Variants in SLX4IP observed in about 807,000 individuals in gnomAD.
SLX4IP encodes the protein protein SLX4IP.
In SLX4IP, 34 loss-of-function variants were observed where a neutral mutation model predicts 32.9. That is an observed-to-expected ratio of 1.03 (90% CI 0.79 to 1.38). The LOEUF is 1.38. SLX4IP is among the 40% of genes most tolerant of loss of function. The probability of loss-of-function intolerance (pLI) is 0.00; values close to 1 mark genes in which losing one functional copy is unlikely to be tolerated. For missense variants in SLX4IP, 444 were observed against 479.0 expected (o/e 0.93, Z 0.68); for synonymous variants, 172 against 171.7 (o/e 1.00, Z -0.01).
intron 2 of SLX4IP, among the ~76,000 whole-genome samples, chr20:10,481,079 CAACT>C (rs2065516700): frequency 2.9e-5 from 1 of 34,882 alleles, no homozygotes; most frequent in African/African-American, 1.2e-4. Context: ...AATATTCTTA[CAACT>C]TTTTTTTTTT....
intron 1 of SLX4IP, among the ~76,000 whole-genome samples, chr20:10,450,685 T>C (rs908119239): frequency 3.3e-5 from 5 of 152,230 alleles, no homozygotes; most frequent in Non-Finnish European, 7.3e-5. Context: ...AACCAAAGGG[T>C]ACCAATTTCT....
Position 10,623,302 on chromosome 20 carries a change from G to A in SLX4IP, c.1150G>A (p.Ala384Thr). The A allele has an allele frequency of 6.2e-7, 1 of 1,614,146 alleles. No homozygotes were observed. Among genetic ancestry groups the A allele is most frequent in the Non-Finnish European group, 8.5e-7 (1 of 1,180,018 alleles). ...NPGQAQQTGL[A>T]TNTERLSTIQ... ...AGGGCAGGCACAGCAAACCGGCTTAGCCACAAACACTGAAAGATTATCTAC... is the reference window on the plus strand; with the variant it reads ...AGGGCAGGCACAGCAAACCGGCTTAACCACAAACACTGAAAGATTATCTAC... The change falls in exon 8 of 8, where the codon GCC (alanine) becomes ACC (threonine). Residue 384 changes from alanine (A) to threonine (T), a missense_variant. By Grantham distance (58) the Ala-to-Thr change is moderately conservative. Transcript: ENST00000334534.
intron 6 of SLX4IP, among the ~76,000 whole-genome samples, chr20:10,617,899 C>T (rs1045431030): frequency 1.3e-5 from 2 of 152,012 alleles, no homozygotes; most frequent in Non-Finnish European, 2.9e-5. Flanking sequence ...CCTTGGCCTC[C>T]CAAAGTGCTG....
At chr20:10,450,798 C>T (rs2122330268) in intron 1 of SLX4IP, among the ~76,000 whole-genome samples, 1 of 152,342 alleles carries the variant, frequency 6.6e-6, no homozygotes, top group South Asian at 2.1e-4. Context: ...GTCGCCCAGG[C>T]TGGAGGACAA....
intron 2 of SLX4IP, among the ~76,000 whole-genome samples, chr20:10,534,255 G>T (rs2066017166): frequency 6.6e-6 from 1 of 152,158 alleles, no homozygotes; most frequent in African/African-American, 2.4e-5. Flanking sequence ...CGGGGAGTGA[G>T]CATGTATTCC....
At chr20:10,619,611 A>G (rs1248801934) in intron 6 of SLX4IP, among the ~76,000 whole-genome samples, 1 of 152,170 alleles carries the variant, frequency 6.6e-6, no homozygotes, top group African/African-American at 2.4e-5. Flanking sequence ...CATCATTCCT[A>G]ATAGCAAAAG....
At chr20:10,468,914 G>A (rs547542146) in intron 2 of SLX4IP, among the ~76,000 whole-genome samples, 79 of 152,118 alleles carry the variant, frequency 5.2e-4, no homozygotes, top group Non-Finnish European at 9.0e-4. Flanking sequence ...TTTCATATCT[G>A]CACAGACCTT....
chr20:10,532,027 T>C (rs955106576), intron 2 of SLX4IP, among the ~76,000 whole-genome samples: 2 of 152,178 alleles, frequency 1.3e-5, no homozygotes, highest in East Asian at 1.9e-4. Flanking sequence ...ATCCCTGACA[T>C]TGGTTTGCAA....
intron 2 of SLX4IP, among the ~76,000 whole-genome samples, chr20:10,521,343 C>G (rs555384534): frequency 6.6e-6 from 1 of 152,102 alleles, no homozygotes; most frequent in East Asian, 1.9e-4. Context: ...CTAGGCTGGT[C>G]GCTCTCCATG....
At chr20:10,451,011 C>T (rs542476216) in intron 1 of SLX4IP, among the ~76,000 whole-genome samples, 3 of 152,200 alleles carry the variant, frequency 2.0e-5, no homozygotes, top group Non-Finnish European at 4.4e-5. Flanking sequence ...CTCGGCCTCC[C>T]AAAGTGCTGG....
At chr20:10,494,674 ATTTCTAC>A (rs972877929) in intron 2 of SLX4IP, among the ~76,000 whole-genome samples, 26 of 151,858 alleles carry the variant, frequency 1.7e-4, no homozygotes, top group African/African-American at 5.1e-4. Context: ...TTTCTGCTTA[ATTTCTAC>A]TTTCTTCCTT....
At chr20:10,595,640 G>T (rs1250153687) in intron 4 of SLX4IP, among the ~76,000 whole-genome samples, 1 of 152,168 alleles carries the variant, frequency 6.6e-6, no homozygotes, top group Admixed American at 6.5e-5. Flanking sequence ...TAAGAATGTA[G>T]TCTTTATCAT....
At chr20:10,596,992 A>G (rs2066778186) in intron 4 of SLX4IP, among the ~76,000 whole-genome samples, 1 of 152,244 alleles carries the variant, frequency 6.6e-6, no homozygotes. Context: ...TTATCCTTTC[A>G]TAGATGTCAC....
intron 2 of SLX4IP, among the ~76,000 whole-genome samples, chr20:10,466,262 C>A (rs6039956): frequency 0.49 from 74,077 of 152,020 alleles, 19,653 homozygotes; most frequent in Non-Finnish European, 0.6. Flanking sequence ...AATAATAATT[C>A]TAACTTATGA....
intron 2 of SLX4IP, among the ~76,000 whole-genome samples, chr20:10,520,160 C>T (rs1014991905): frequency 2.0e-5 from 3 of 152,104 alleles, no homozygotes; most frequent in African/African-American, 7.2e-5. Context: ...AAGCGATTCT[C>T]CTGCCTCAGC....
chr20:10,558,341 C>CAAA (rs36028561), intron 3 of SLX4IP, among the ~76,000 whole-genome samples: 21 of 79,488 alleles, frequency 2.6e-4, no homozygotes, highest in African/African-American at 7.1e-4. Context: ...GACCCTGTCT[C>CAAA]AAAAAAAAAA....
intron 6 of SLX4IP, among the ~76,000 whole-genome samples, chr20:10,610,815 C>A (rs576071208): frequency 1.3e-5 from 2 of 152,244 alleles, no homozygotes; most frequent in Admixed American, 6.5e-5. Flanking sequence ...TTATTCATTG[C>A]GACTCTGTCC....
rs1333574400 is a variant in SLX4IP at position 10,476,678 on chromosome 20, A to G, written c.27+18447A>G. Among the ~76,000 whole-genome samples, 10 of 152,150 alleles carry G rather than the reference A, an allele frequency of 6.6e-5. No individual in the cohort carries two copies. In the East Asian group the frequency reaches 1.9e-3, roughly 29 times the overall value. The stretch of plus-strand genomic sequence containing the variant: ...GTTGGGGACTGGAATATTTATTTTT[A>G]GGAAAAGTTAAAATTATCCAGAGAA... On this transcript the variant is annotated intron_variant, in intron 2 of 7. Coordinates refer to ENST00000334534, the MANE Select transcript of SLX4IP (RefSeq NM_001009608.3).
chr20:10,603,397 C>T (rs2066866711), intron 6 of SLX4IP, among the ~76,000 whole-genome samples: 1 of 152,170 alleles, frequency 6.6e-6, no homozygotes, highest in African/African-American at 2.4e-5. Flanking sequence ...ATCTGGAGGA[C>T]TTCCTAAACA....
Sources: gnomAD v4.1 joint callset for allele counts (sites outside exome capture counted in the v4.1 genomes callset) on GRCh38, gnomAD v4.1.1 for gene constraint, MANE v1.5 for transcripts, NCBI Gene and HGNC (gene_info 2026-07-23, HGNC 2026-07-21) for gene names.